ADAMTS2: variants seen among roughly 807,000 people sequenced by gnomAD.
The protein encoded by ADAMTS2 is A disintegrin and metalloproteinase with thrombospondin motifs 2.
Under a neutral mutation model 123.0 loss-of-function variants are expected in ADAMTS2, and 50 were observed. The observed-to-expected ratio is 0.41, with a 90% CI of 0.32 to 0.51. The LOEUF (loss-of-function observed/expected upper bound fraction) is 0.51. ADAMTS2 is among the 20% of genes least tolerant of loss of function. The probability of loss-of-function intolerance (pLI) is 0.35; values close to 1 mark genes in which losing one functional copy is unlikely to be tolerated. For missense variants in ADAMTS2, 1,494 were observed against 1,705.2 expected (o/e 0.88, Z 2.18); for synonymous variants, 678 against 695.4 (o/e 0.98, Z 0.39).
chr5:179,261,803 C>G (rs1304570562), intron 3 of ADAMTS2, among the ~76,000 whole-genome samples: 1 of 152,212 alleles, frequency 6.6e-6, no homozygotes, highest in African/African-American at 2.4e-5. Context: ...CCCGGCCAGT[C>G]TGGGGTCCCT....
At chr5:179,182,109 C>T (rs1026050408) in intron 4 of ADAMTS2, among the ~76,000 whole-genome samples, 2 of 152,202 alleles carry the variant, frequency 1.3e-5, no homozygotes, top group African/African-American at 4.8e-5. Context: ...GAAGGCCCCC[C>T]GCAGGCCTGA....
chr5:179,322,866 C>T (rs1358148909), intron 2 of ADAMTS2, among the ~76,000 whole-genome samples: 2 of 152,246 alleles, frequency 1.3e-5, no homozygotes, highest in African/African-American at 4.8e-5. Flanking sequence ...CCCCTAACTG[C>T]AGGTGTCCCT....
At chr5:179,277,790 C>G (rs192191400) in intron 2 of ADAMTS2, among the ~76,000 whole-genome samples, 56 of 22,796 alleles carry the variant, frequency 2.5e-3, no homozygotes, top group East Asian at 5.9e-3. Flanking sequence ...AAGGCTGACC[C>G]CCCCGCGAGA....
intron 11 of ADAMTS2, 52 bp from the exon 12 acceptor site, chr5:179,137,996 C>T (rs764092393): frequency 9.5e-5 from 145 of 1,533,448 alleles, no homozygotes; most frequent in Non-Finnish European, 1.2e-4. Context: ...AAAGAGGCAG[C>T]ACCCGGGTGC....
intron 17 of ADAMTS2, among the ~76,000 whole-genome samples, chr5:179,127,260 C>T (rs962771972): frequency 2.0e-5 from 3 of 152,116 alleles, no homozygotes; most frequent in East Asian, 1.9e-4. Flanking sequence ...AATCCAGGCC[C>T]GGTGTGGGGC....
chr5:179,141,387 A>G (rs944707606), intron 10 of ADAMTS2, among the ~76,000 whole-genome samples: 4 of 152,318 alleles, frequency 2.6e-5, no homozygotes, highest in African/African-American at 7.2e-5. Context: ...TCCTTATTGG[A>G]ACTTTATTTT....
At chr5:179,290,716 C>A (rs1172785069) in intron 2 of ADAMTS2, among the ~76,000 whole-genome samples, 1 of 152,238 alleles carries the variant, frequency 6.6e-6, no homozygotes, top group Non-Finnish European at 1.5e-5. Context: ...TGCTCTCTGG[C>A]CGGTCCATTC....
intron 3 of ADAMTS2, among the ~76,000 whole-genome samples, chr5:179,264,697 G>A (rs766843742): frequency 6.6e-6 from 1 of 152,232 alleles, no homozygotes; most frequent in Non-Finnish European, 1.5e-5. Context: ...AGGGAAAGGG[G>A]ACGGAGAGCA....
At chr5:179,160,820 G>A (rs963571830) in intron 5 of ADAMTS2, among the ~76,000 whole-genome samples, 7 of 152,206 alleles carry the variant, frequency 4.6e-5, no homozygotes, top group Admixed American at 1.3e-4. Context: ...TGACCAGGAA[G>A]AGCATGTGAC....
In ADAMTS2 at chr5:179,317,852, A is replaced by T. The variant is rs538784796; in HGVS notation, c.534+25915T>A. 6.6e-6 allele frequency among the ~76,000 whole-genome samples: 1 copy of T among 152,286 alleles called. No homozygotes were observed. Among genetic ancestry groups the T allele is most frequent in the South Asian group, 2.1e-4 (1 of 4,828 alleles). Reference sequence around the variant, plus strand: ...GAGGGTAGAGGTGGGGCTGGTCCACAGTGAGGGAGGGAGGCAGGTGTAGAC... The same window carrying T: ...GAGGGTAGAGGTGGGGCTGGTCCACTGTGAGGGAGGGAGGCAGGTGTAGAC... On this transcript the variant is annotated intron_variant, in intron 2 of 21. Coordinates refer to ENST00000251582, the MANE Select transcript of ADAMTS2 (RefSeq NM_014244.5). This position sits in a 1 kb window ranked among gnomAD's most constrained non-coding sequence, Gnocchi z 4.9.
Position 179,223,472 on chromosome 5 carries a change from TCA to T in ADAMTS2, c.689-15759_689-15758del, listed in dbSNP as rs1031475449. On this transcript the variant is annotated intron_variant, in intron 3 of 21. Coordinates refer to ENST00000251582, the MANE Select transcript of ADAMTS2 (RefSeq NM_014244.5). ...CACGCACACTCACACACGAATGCAC[TCA>T]CACACAAATGGACTCACACTCACAT... 8.1e-5 allele frequency among the ~76,000 whole-genome samples: 11 copies of T among 136,080 alleles called. No homozygotes were observed. In the South Asian group the frequency reaches 9.4e-4, roughly 12 times the overall value. The allele number at this position is 136,080 out of a possible 152,430, so 89.3% of individuals were successfully genotyped here.
Position 179,234,426 on chromosome 5 carries a change from T to C in ADAMTS2, c.689-26711A>G, listed in dbSNP as rs1238290875. 6.6e-6 allele frequency among the ~76,000 whole-genome samples: 1 copy of C among 152,068 alleles called. No homozygotes were observed. Among genetic ancestry groups the C allele is most frequent in the Non-Finnish European group, 1.5e-5 (1 of 67,996 alleles). On this transcript the variant is annotated intron_variant, in intron 3 of 21. Transcript: ENST00000251582. This position sits in a 1 kb window ranked among gnomAD's most constrained non-coding sequence, Gnocchi z 4.7. ...CTCATCCACTAGGACTGGGCTTCCG[T>C]GTGCAGGGCTTCACCCTCGCTCTCC...
chr5:179,190,725 C>A (rs535693946), intron 4 of ADAMTS2, among the ~76,000 whole-genome samples: 1 of 152,234 alleles, frequency 6.6e-6, no homozygotes, highest in African/African-American at 2.4e-5. Flanking sequence ...GCACCTAGTA[C>A]AGGCTGAATG....
At chr5:179,153,916 C>A in intron 8 of ADAMTS2, 133 bp downstream of exon 8, 1 of 1,296,444 alleles carries the variant, frequency 7.7e-7, no homozygotes, top group Non-Finnish European at 1.1e-6. Flanking sequence ...TGTGCCCTCT[C>A]TCCTCCCCCG....
Position 179,181,542 on chromosome 5 carries a change from C to T in ADAMTS2, c.892-387G>A, listed in dbSNP as rs558362020. Reference sequence around the variant, plus strand: ...CCCCGCGGCACAGGCAGGGCTGGGACCGGCCCTGGCAGAAGTCACTCCAAG... The same window carrying T: ...CCCCGCGGCACAGGCAGGGCTGGGATCGGCCCTGGCAGAAGTCACTCCAAG... On this transcript the variant is annotated intron_variant, in intron 4 of 21. Transcript: ENST00000251582. This position sits in a 1 kb window ranked among gnomAD's most constrained non-coding sequence, Gnocchi z 4.1. Among the ~76,000 whole-genome samples the T allele has an allele frequency of 6.6e-6, 1 of 152,122 alleles. No homozygotes were observed. Among genetic ancestry groups the T allele is most frequent in the South Asian group, 2.1e-4 (1 of 4,824 alleles).
intron 1 of ADAMTS2, among the ~76,000 whole-genome samples, chr5:179,344,921 G>T (rs1485713259): frequency 6.6e-6 from 1 of 152,118 alleles, no homozygotes; most frequent in African/African-American, 2.4e-5. Context: ...TCTTGGCCGC[G>T]GGGCTTTTCC....
chr5:179,270,212 G>A (rs1371252168), intron 3 of ADAMTS2, among the ~76,000 whole-genome samples: 1 of 152,146 alleles, frequency 6.6e-6, no homozygotes, highest in African/African-American at 2.4e-5. Context: ...GAGTCCCCGA[G>A]ATCACCCTGA....
chr5:179,206,363 C>T (rs1212675123), intron 4 of ADAMTS2, among the ~76,000 whole-genome samples: 2 of 152,166 alleles, frequency 1.3e-5, no homozygotes, highest in East Asian at 3.9e-4. Context: ...GGGGCTCACC[C>T]CTGGTCCGAA....
chr5:179,219,287 A>G (rs7704836), intron 3 of ADAMTS2, among the ~76,000 whole-genome samples: 62,346 of 152,064 alleles, frequency 0.41, 13,049 homozygotes, highest in Non-Finnish European at 0.44. Context: ...AAATCCAGCT[A>G]TGGCTGAAGG....
Sources: gnomAD v4.1 joint callset for allele counts (sites outside exome capture counted in the v4.1 genomes callset) on GRCh38, gnomAD v4.1.1 for gene constraint, Gnocchi (gnomAD v3.1) non-coding constraint, MANE v1.5 for transcripts, NCBI Gene and HGNC (gene_info 2026-07-23, HGNC 2026-07-21) for gene names.